VSTM2L: variants seen among roughly 807,000 people sequenced by gnomAD.
The protein encoded by VSTM2L is V-set and transmembrane domain containing 2 like.
VSTM2L carries 9 observed loss-of-function variants against 19.9 expected under a neutral mutation model. That is an observed-to-expected ratio of 0.45 (90% CI 0.27 to 0.79). VSTM2L has a LOEUF of 0.79. Ranked by LOEUF, VSTM2L falls within the 30% of genes least tolerant of loss-of-function variation. VSTM2L has a pLI of 0.15. For missense variants in VSTM2L, 286 were observed against 295.5 expected (o/e 0.97, Z 0.24); for synonymous variants, 127 against 133.8 (o/e 0.95, Z 0.35).
chr20:37,933,519 C>T lies in VSTM2L; in HGVS notation c.292-20C>T. The T allele has an allele frequency of 6.2e-7, 1 of 1,612,974 alleles. No individual in the cohort carries two copies. Among genetic ancestry groups the T allele is most frequent in the Non-Finnish European group, 8.5e-7 (1 of 1,179,594 alleles). ...TAACACCTTGTCTCTGCTCTCTCCG[C>T]CCCTCCCCGATCCCAACAGCTAAAA... On this transcript the variant is annotated intron_variant, in intron 2 of 3. Transcript: ENST00000373461.
Position 37,945,049 on chromosome 20 carries a change from T to C in VSTM2L, c.*796T>C. On this transcript the variant is annotated 3_prime_UTR_variant, in exon 4 of 4. Coordinates refer to ENST00000373461, the MANE Select transcript of VSTM2L (RefSeq NM_080607.3). ...TCTGCCGGCCCCCCAATGCCCCAGC[T>C]CCCTCTTGGGTCCTGTGCCAAGTCC... 1.0e-6 allele frequency: 1 copy of C among 985,726 alleles called. No homozygotes were observed. The highest frequency in any genetic ancestry group is 1.2e-6 in the Non-Finnish European group (1 of 829,946). 61.1% of individuals were successfully genotyped at this position (985,726 alleles called of 1,614,324 possible). A position where few individuals can be genotyped will look rare whatever the true frequency, so the allele number is the denominator to read the frequency against.
Position 37,944,523 on chromosome 20 carries a change from C to A in VSTM2L, c.*270C>A. ...CCGCCCTGAACACTGGGGCAGGGAC[C>A]ATGCTGGGGCCCGGGGCCACCCCCT... On this transcript the variant is annotated 3_prime_UTR_variant, in exon 4 of 4. Transcript: ENST00000373461. 8.3e-7 allele frequency: 1 copy of A among 1,211,386 alleles called. No individual in the cohort carries two copies. Among genetic ancestry groups the A allele is most frequent in the Non-Finnish European group, 1.0e-6 (1 of 975,160 alleles). 75.0% of individuals were successfully genotyped at this position (1,211,386 alleles called of 1,614,324 possible).
At chr20:37,909,907 C>T (rs146285214) in intron 1 of VSTM2L, among the ~76,000 whole-genome samples, 1,843 of 152,298 alleles carry the variant, frequency 0.012, 22 homozygotes, top group Middle Eastern at 0.024. Context: ...TCCCACTGCT[C>T]CAGAGAAGTG....
intron 3 of VSTM2L, among the ~76,000 whole-genome samples, chr20:37,935,746 G>A (rs2072936032): frequency 6.6e-6 from 1 of 152,132 alleles, no homozygotes; most frequent in African/African-American, 2.4e-5. Context: ...GACTGAGCCT[G>A]CCTGACTCAC....
At chr20:37,913,127 G>C (rs1404142595) in intron 1 of VSTM2L, among the ~76,000 whole-genome samples, 3 of 152,228 alleles carry the variant, frequency 2.0e-5, no homozygotes, top group Admixed American at 2.0e-4. Flanking sequence ...GAATGAATGA[G>C]TGAGTGACCA....
At position 37,937,365 on chromosome 20, in the gene VSTM2L, T is replaced by C. The variant is rs184969244; in HGVS notation, c.342+3776T>C. Among the ~76,000 whole-genome samples, 1,122 of 152,218 alleles carry C rather than the reference T, an allele frequency of 7.4e-3. 18 individuals are homozygous for C. Among genetic ancestry groups the C allele is most frequent in the Non-Finnish European group, 6.4e-3 (438 of 68,008 alleles). On this transcript the variant is annotated intron_variant, in intron 3 of 3. Transcript: ENST00000373461. The stretch of plus-strand genomic sequence containing the variant: ...AGGGAAGGACCCTGGCCTAAAAATA[T>C]CTCCCTTGGTAGCTTGCATCTGCTA...
At chr20:37,915,770 G>A (rs1342740227) in intron 1 of VSTM2L, among the ~76,000 whole-genome samples, 1 of 151,990 alleles carries the variant, frequency 6.6e-6, no homozygotes, top group Non-Finnish European at 1.5e-5. Context: ...TGGGTGGGGG[G>A]TCAGGTTTGA....
intron 1 of VSTM2L, among the ~76,000 whole-genome samples, chr20:37,923,644 G>A (rs1373207329): frequency 1.3e-5 from 2 of 152,198 alleles, no homozygotes; most frequent in Admixed American, 1.3e-4. Context: ...AGGGAGGGGG[G>A]CTCAGGGGCC....
chr20:37,944,150 T>C lies in VSTM2L; in HGVS notation c.512T>C (p.Leu171Pro), dbSNP rs772938554. The C allele has an allele frequency of 5.6e-6, 9 of 1,599,578 alleles. No individual in the cohort carries two copies. The highest frequency in any genetic ancestry group is 5.4e-5 in the African/African-American group (4 of 74,630). ...LRVQPGENSV[L>P]HLPEAPPAAP... The stretch of plus-strand genomic sequence containing the variant: ...GTGCAGCCAGGGGAGAACTCCGTCC[T>C]GCATCTGCCCGAAGCCCCTCCCGCC... The change falls in exon 4 of 4, where the codon CTG (leucine) becomes CCG (proline). Residue 171 changes from leucine to proline, a missense_variant. Transcript: ENST00000373461.
chr20:37,941,965 G>A (rs2072974888), intron 3 of VSTM2L, among the ~76,000 whole-genome samples: 1 of 148,900 alleles, frequency 6.7e-6, no homozygotes, highest in Non-Finnish European at 1.5e-5. Flanking sequence ...AGGTCATTAA[G>A]TCTCCTGTAC....
intron 3 of VSTM2L, among the ~76,000 whole-genome samples, chr20:37,942,997 C>A (rs1397563647): frequency 3.3e-5 from 5 of 152,120 alleles, no homozygotes; most frequent in Non-Finnish European, 7.3e-5. Flanking sequence ...CGGAGTCTCG[C>A]GCTGTCGCCC....
At position 37,929,871 on chromosome 20, in the gene VSTM2L, C is replaced by T. The variant is rs190231470; in HGVS notation, c.122-1764C>T. 6.6e-5 allele frequency among the ~76,000 whole-genome samples: 10 copies of T among 152,158 alleles called. No individual in the cohort carries two copies. In the East Asian group the frequency reaches 1.4e-3, roughly 21 times the overall value. ...CCCTGGAAGGAGGGGGTGGCCCTCA[C>T]GGTGATGTGGGGGAGGGATCTTCCT... On this transcript the variant is annotated intron_variant, in intron 1 of 3. Transcript: ENST00000373461.
At chr20:37,913,738 G>A (rs1002134972) in intron 1 of VSTM2L, among the ~76,000 whole-genome samples, 1 of 152,142 alleles carries the variant, frequency 6.6e-6, no homozygotes, top group East Asian at 1.9e-4. Context: ...GTGGAGCTGC[G>A]CCTGGCTGCC....
Position 37,920,103 on chromosome 20 carries a change from C to T in VSTM2L, c.122-11532C>T, listed in dbSNP as rs532034346. On this transcript the variant is annotated intron_variant, in intron 1 of 3. Coordinates refer to ENST00000373461, the MANE Select transcript of VSTM2L (RefSeq NM_080607.3). ...AGTGGGCAGTGGCTGCAGAGGCTGT[C>T]GATGCCCCCTTACTCTGTCTTCATC... Among the ~76,000 whole-genome samples, 8 of 152,146 alleles carry T rather than the reference C, an allele frequency of 5.3e-5. No individual in the cohort carries two copies. The East Asian group carries it at 1.5e-3, about 29-fold the overall frequency.
In VSTM2L at chr20:37,903,151, G is replaced by C; in HGVS notation, c.-200G>C. 1 of 631,060 alleles carries C rather than the reference G, an allele frequency of 1.6e-6. No homozygotes were observed. The highest frequency in any genetic ancestry group is 2.2e-6 in the Non-Finnish European group (1 of 456,998). The allele number at this position is 631,060 out of a possible 1,614,324, so 39.1% of individuals were successfully genotyped here. ...CGCAGTCGGAGGCGGCCGGCTGGGC[G>C]TGCGCTCGCTCCCCGAAGCCGGGGC... On this transcript the variant is annotated 5_prime_UTR_variant, in exon 1 of 4. Transcript: ENST00000373461.
At chr20:37,927,857 C>T (rs776222403) in intron 1 of VSTM2L, among the ~76,000 whole-genome samples, 10 of 152,174 alleles carry the variant, frequency 6.6e-5, no homozygotes, top group African/African-American at 2.2e-4. Context: ...CCCGTGCCCC[C>T]GCCCACCACA....
intron 3 of VSTM2L, among the ~76,000 whole-genome samples, chr20:37,941,529 G>A (rs2072972005): frequency 6.6e-6 from 1 of 152,240 alleles, no homozygotes; most frequent in Non-Finnish European, 1.5e-5. Context: ...TCTGCAGGCT[G>A]CATGCAGAGG....
rs1003281176 is a variant in VSTM2L, at chr20:37,933,435, G to A, written c.292-104G>A. 4.6e-5 allele frequency: 43 copies of A among 926,428 alleles called. 1 individual carries two copies. The highest frequency in any genetic ancestry group is 5.8e-5 in the Non-Finnish European group (35 of 605,272). 57.4% of individuals were successfully genotyped at this position (926,428 alleles called of 1,614,324 possible). ...CATCTGCTGTCGTGAGAATCTTAGC[G>A]GTTGTCCGTATCCCTATAATGTGTC... On this transcript the variant is annotated intron_variant, in intron 2 of 3. Transcript: ENST00000373461.
intron 1 of VSTM2L, among the ~76,000 whole-genome samples, chr20:37,931,240 G>C (rs1167368924): frequency 6.6e-6 from 1 of 152,192 alleles, no homozygotes; most frequent in African/African-American, 2.4e-5. Flanking sequence ...CTCAGGAGGG[G>C]AACTGAGCTG....
Sources: gnomAD v4.1 joint callset for allele counts (sites outside exome capture counted in the v4.1 genomes callset) on GRCh38, gnomAD v4.1.1 for gene constraint, MANE v1.5 for transcripts, NCBI Gene and HGNC (gene_info 2026-07-23, HGNC 2026-07-21) for gene names.